HEATR5B: variants seen among roughly 807,000 people sequenced by gnomAD.
The protein encoded by HEATR5B is HEAT repeat-containing protein 5B.
In HEATR5B, 156 loss-of-function variants were observed where a neutral mutation model predicts 224.1. The observed-to-expected ratio is 0.70, with a 90% confidence interval of 0.61 to 0.80. The LOEUF (loss-of-function observed/expected upper bound fraction) is 0.80, where lower values mean the gene tolerates loss of function less well. Ranked by LOEUF, HEATR5B falls within the 30% of genes least tolerant of loss-of-function variation. HEATR5B has a pLI of 0.00. For synonymous variants in HEATR5B, 1,027 were observed against 893.0 expected (o/e 1.15, Z -2.68); for missense variants, 2,323 against 2,535.5 (o/e 0.92, Z 1.80).
At chr2:37,016,197 C>T (rs1668107365) in intron 26 of HEATR5B, among the ~76,000 whole-genome samples, 1 of 150,680 alleles carries the variant, frequency 6.6e-6, no homozygotes, top group South Asian at 2.1e-4. Flanking sequence ...ACTGCAACCT[C>T]CGCCTCCCAG....
chr2:37,005,663 G>A lies in HEATR5B; in HGVS notation c.4874C>T (p.Pro1625Leu), dbSNP rs774953510. Reference protein sequence around the residue: ...LQALHTLLDSPYARVHIAEDQ... With the variant: ...LQALHTLLDSLYARVHIAEDQ... ...TTCTGCAATATGGACTCGAGCATAA[G>A]GGGAGTCTAGCAAGGTATGTAAGGC... The change falls in exon 30 of 36, where the codon CCT (proline) becomes CTT (leucine). Residue 1625 changes from proline (P) to leucine (L), a missense_variant. By Grantham distance (98) the Pro-to-Leu change is moderately conservative. Around this residue, in one of 12 missense-constraint regions of HEATR5B, gnomAD observed 844 missense variants for 812.9 expected, o/e 1.04. Transcript: ENST00000233099. 6.2e-7 allele frequency: 1 copy of A among 1,613,578 alleles called. No individual in the cohort carries two copies. The highest frequency in any genetic ancestry group is 8.5e-7 in the Non-Finnish European group (1 of 1,179,582).
intron 19 of HEATR5B, 35 bp downstream of exon 19, chr2:37,041,098 A>G (rs193182235): frequency 2.3e-5 from 36 of 1,566,700 alleles, no homozygotes; most frequent in Admixed American, 1.9e-4. Context: ...AAAATTTTCT[A>G]AACTTTTGTA....
At chr2:37,084,236 T>G (rs904561746) in intron 1 of HEATR5B, 33 bp downstream of exon 1, 4 of 377,992 alleles carry the variant, frequency 1.1e-5, no homozygotes, top group African/African-American at 8.3e-5. Context: ...CAGGAGTCCG[T>G]GCGTGTCAAC....
intron 24 of HEATR5B, 48 bp from the exon 25 acceptor site, chr2:37,020,884 G>T: frequency 2.0e-6 from 2 of 1,023,658 alleles, no homozygotes; most frequent in Non-Finnish European, 2.8e-6. Context: ...CCAAAAATAA[G>T]TGTAATAACA....
At chr2:37,005,082 T>G (rs1313911475) in intron 30 of HEATR5B, among the ~76,000 whole-genome samples, 2 of 152,226 alleles carry the variant, frequency 1.3e-5, no homozygotes, top group Non-Finnish European at 2.9e-5. Flanking sequence ...TCAAGAAACC[T>G]TCATGATTTG....
chr2:37,019,752 TA>T, intron 26 of HEATR5B, 56 bp downstream of exon 26: 1 of 1,218,244 alleles, frequency 8.2e-7, no homozygotes, highest in Non-Finnish European at 1.2e-6. Context: ...AGTTAAATTC[TA>T]AGATATCTAT....
chr2:37,008,990 T>G (rs959325619), intron 27 of HEATR5B, 142 bp from the exon 28 acceptor site: 3 of 686,784 alleles, frequency 4.4e-6, no homozygotes, highest in African/African-American at 1.8e-5. Context: ...CTGGGTGCGG[T>G]GGCTCACACC....
At chr2:37,041,626 G>C (rs1211558206) in intron 18 of HEATR5B, among the ~76,000 whole-genome samples, 1 of 152,092 alleles carries the variant, frequency 6.6e-6, no homozygotes, top group African/African-American at 2.4e-5. Flanking sequence ...CATGCCTGTA[G>C]GCCCAGCTAG....
chr2:37,081,308 T>C (rs1322238475), intron 2 of HEATR5B, among the ~76,000 whole-genome samples: 1 of 152,196 alleles, frequency 6.6e-6, no homozygotes, highest in Non-Finnish European at 1.5e-5. Context: ...GCCATGTTGG[T>C]GTGCTGCACC....
chr2:37,027,139 C>T (rs1446084285), intron 24 of HEATR5B, among the ~76,000 whole-genome samples: 1 of 149,084 alleles, frequency 6.7e-6, no homozygotes, highest in Non-Finnish European at 1.5e-5. Flanking sequence ...AGCTCTGCTG[C>T]TTCTTATACA....
At chr2:36,988,595 C>A in intron 35 of HEATR5B, 51 bp downstream of exon 35, 1 of 1,438,456 alleles carries the variant, frequency 7.0e-7, no homozygotes, top group Non-Finnish European at 9.7e-7. Flanking sequence ...GATTTATATA[C>A]AATACAGATC....
chr2:36,984,030 C>G (rs1249441571), intron 35 of HEATR5B, among the ~76,000 whole-genome samples: 1 of 149,042 alleles, frequency 6.7e-6, no homozygotes, highest in Admixed American at 6.7e-5. Flanking sequence ...GAAACCCTAT[C>G]TCTACTAAAA....
intron 31 of HEATR5B, among the ~76,000 whole-genome samples, chr2:37,002,946 T>C (rs1300215508): frequency 6.6e-6 from 1 of 152,150 alleles, no homozygotes; most frequent in Admixed American, 6.5e-5. Flanking sequence ...TCTAAATGTA[T>C]GATTAATTCT....
At chr2:37,046,800 AG>A (rs1670224261) in intron 18 of HEATR5B, among the ~76,000 whole-genome samples, 1 of 151,998 alleles carries the variant, frequency 6.6e-6, no homozygotes, top group Non-Finnish European at 1.5e-5. Context: ...TTGTAATCCC[AG>A]CACTTTGGGA....
At position 37,040,265 on chromosome 2, in the gene HEATR5B, A is replaced by G. The variant is rs954785658; in HGVS notation, c.3046+64T>C. 3.9e-6 allele frequency: 5 copies of G among 1,275,114 alleles called. No individual in the cohort carries two copies. The Admixed American group carries it at 9.5e-5, about 24-fold the overall frequency. 79.0% of individuals were successfully genotyped at this position (1,275,114 alleles called of 1,614,324 possible). A position where few individuals can be genotyped will look rare whatever the true frequency, so the allele number is the denominator to read the frequency against. ...TTTCTTCAAGTAATGTGATGGTGAT[A>G]TTCAGGAAATTTAAAGATACTGATT... On this transcript the variant is annotated intron_variant, in intron 20 of 35. Transcript: ENST00000233099.
rs1370945811 is a variant in HEATR5B, at chr2:37,056,449, T to C, written c.2390A>G (p.Tyr797Cys). ...TTGACTTTATACTAACCGGTGTTTATAAGAAACATGAGGAAACACTACACC... is the reference window on the plus strand; with the variant it reads ...TTGACTTTATACTAACCGGTGTTTACAAGAAACATGAGGAAACACTACACC... ...LFGVVFPHVS[Y>C]KHRLQMLDHF... Residue 797 changes from tyrosine (Y) to cysteine (C), a missense_variant, in exon 16 of 36, where the codon TAT becomes TGT. Transcript: ENST00000233099. 1.9e-6 allele frequency: 3 copies of C among 1,597,748 alleles called. No individual in the cohort carries two copies. The highest frequency in any genetic ancestry group is 2.6e-6 in the Non-Finnish European group (3 of 1,174,974).
At position 37,028,073 on chromosome 2, in the gene HEATR5B, C is replaced by A; in HGVS notation, c.3703G>T (p.Asp1235Tyr). The A allele has an allele frequency of 6.2e-7, 1 of 1,614,080 alleles. No homozygotes were observed. The highest frequency in any genetic ancestry group is 8.5e-7 in the Non-Finnish European group (1 of 1,179,944). The change falls in exon 24 of 36, where the codon GAT (aspartate) becomes TAT (tyrosine). Residue 1235 changes from aspartate (D) to tyrosine (Y), a missense_variant. Coordinates refer to ENST00000233099, the MANE Select transcript of HEATR5B (RefSeq NM_019024.3). ...DTMFTTLGEE[D>Y]KSKPFVAPRW... ...GGGGCCACAAAGGGCTTTGATTTAT[C>A]TTCTTCACCTAACGTGGTAAACATG...
chr2:37,045,704 C>A (rs13399683), intron 18 of HEATR5B, among the ~76,000 whole-genome samples: 2 of 152,310 alleles, frequency 1.3e-5, no homozygotes, highest in South Asian at 4.1e-4. Context: ...TGTTATTCCA[C>A]CCTACACATT....
intron 35 of HEATR5B, among the ~76,000 whole-genome samples, chr2:36,986,972 T>TA (rs541212309): frequency 4.1e-4 from 62 of 151,714 alleles, no homozygotes; most frequent in African/African-American, 1.3e-3. Flanking sequence ...AGGCTAGTCT[T>TA]AAACTCCTGA....
Sources: gnomAD v4.1 joint callset for allele counts (sites outside exome capture counted in the v4.1 genomes callset) on GRCh38, gnomAD v4.1.1 for gene constraint, gnomAD v4.1.1 regional missense constraint, MANE v1.5 for transcripts, NCBI Gene and HGNC (gene_info 2026-07-23, HGNC 2026-07-21) for gene names.